The following EPRS1 variants were observed in gnomAD, a reference collection of about 807,000 sequenced individuals.
The protein encoded by EPRS1 is bifunctional glutamate/proline--tRNA ligase.
Under a neutral mutation model 188.3 loss-of-function variants are expected in EPRS1, and 107 were observed. The ratio of observed to expected loss-of-function variants is 0.57; its 90% confidence interval spans 0.49 to 0.67. The LOEUF (loss-of-function observed/expected upper bound fraction) is 0.67. EPRS1 is among the 30% of genes least tolerant of loss of function. The pLI is 0.00. For missense variants in EPRS1, 1,577 were observed against 1,802.2 expected (o/e 0.88, Z 2.26); for synonymous variants, 596 against 593.1 (o/e 1.00, Z -0.07).
chr1:220,029,814 T>C (rs767588606), intron 6 of EPRS1, among the ~76,000 whole-genome samples: 4 of 152,194 alleles, frequency 2.6e-5, no homozygotes, highest in African/African-American at 7.2e-5. Context: ...GGGCAAGGGC[T>C]GAAGCAGCCC....
Position 219,988,586 on chromosome 1 carries a change from T to C in EPRS1, c.2775+4A>G. On this transcript the variant is annotated splice_donor_region_variant and intron_variant, in intron 19 of 31. Transcript: ENST00000366923. ...AAAGCATATAAACAAAATAACACACTAACCTTAGGGGCTTTTTCAGTTTTA... is the reference window on the plus strand; with the variant it reads ...AAAGCATATAAACAAAATAACACACCAACCTTAGGGGCTTTTTCAGTTTTA... 1.9e-6 allele frequency: 3 copies of C among 1,594,262 alleles called. No individual in the cohort carries two copies. The highest frequency in any genetic ancestry group is 2.6e-6 in the Non-Finnish European group (3 of 1,162,834).
chr1:219,988,826 A>G lies in EPRS1; in HGVS notation c.2542-3T>C, dbSNP rs747719269. ...TCTACAGCTTCATTTATTTTAGCCT[A>G]AAATAAAAGAGAGAAAGAGATATTT... On this transcript the variant is annotated splice_region_variant and splice_polypyrimidine_tract_variant and intron_variant, in intron 18 of 31. Transcript: ENST00000366923. 4 of 1,552,290 alleles carry G rather than the reference A, an allele frequency of 2.6e-6. No individual in the cohort carries two copies. In the South Asian group the frequency reaches 4.8e-5, roughly 19 times the overall value.
Position 220,020,026 on chromosome 1 carries a change from T to G in EPRS1, c.1311A>C (p.Lys437Asn). Reference sequence around the variant, plus strand: ...GTCCTTCATTGACAAACCATGTGAGTTTTCTTTTGGATAGCACTGTGTTGT... The same window carrying G: ...GTCCTTCATTGACAAACCATGTGAGGTTTCTTTTGGATAGCACTGTGTTGT... Reference protein sequence around the residue: ...NLNNTVLSKRKLTWFVNEGLV... With the variant: ...NLNNTVLSKRNLTWFVNEGLV... Residue 437 changes from lysine to asparagine, a missense_variant, in exon 10 of 32, where the codon AAA becomes AAC. By Grantham distance (94) the Lys-to-Asn change is moderately conservative (BLOSUM62 0). Coordinates refer to ENST00000366923, the MANE Select transcript of EPRS1 (RefSeq NM_004446.3). The G allele has an allele frequency of 1.9e-6, 3 of 1,613,858 alleles. No individual in the cohort carries two copies. Among genetic ancestry groups the G allele is most frequent in the Non-Finnish European group, 1.7e-6 (2 of 1,179,834 alleles).
rs1347114684 is a variant in EPRS1, at chr1:220,032,513, C to A, written c.402G>T (p.Trp134Cys). 17 of 1,612,506 alleles carry A rather than the reference C, an allele frequency of 1.1e-5. No individual in the cohort carries two copies. The African/African-American group carries it at 1.5e-4, about 14-fold the overall frequency. Residue 134 changes from tryptophan to cysteine, a missense_variant, in exon 5 of 32, where the codon TGG (tryptophan) becomes TGT (cysteine). By Grantham distance (215) the Trp-to-Cys change is radical. This residue lies in a region of EPRS1 where 1,278 missense variants were observed against 1,457.4 expected (regional missense o/e 0.88). Coordinates refer to ENST00000366923, the MANE Select transcript of EPRS1 (RefSeq NM_004446.3). Reference sequence around the variant, plus strand: ...CTTTCTTCTGTTTCAACTGTTCTTGCCAGGCAGCATTTCCTATGAGCAAAG... The same window carrying A: ...CTTTCTTCTGTTTCAACTGTTCTTGACAGGCAGCATTTCCTATGAGCAAAG... ...VWATLKGNAA[W>C]QEQLKQKKAP...
At chr1:220,028,222 G>A (rs2102594071) in intron 6 of EPRS1, among the ~76,000 whole-genome samples, 1 of 152,230 alleles carries the variant, frequency 6.6e-6, no homozygotes, top group African/African-American at 2.4e-5. Flanking sequence ...TATAACCATT[G>A]TCAAGAAAAG....
At position 219,974,226 on chromosome 1, in the gene EPRS1, G is replaced by A. The variant is rs538630955; in HGVS notation, c.4084-828C>T. 8.3e-4 allele frequency among the ~76,000 whole-genome samples: 126 copies of A among 152,268 alleles called. 1 individual carries two copies. Among genetic ancestry groups the A allele is most frequent in the African/African-American group, 2.8e-3 (117 of 41,528 alleles). On this transcript the variant is annotated intron_variant, in intron 28 of 31. Transcript: ENST00000366923. ...CTCAAATTGCTGGGATTATAGACGT[G>A]AGCCACCGTACTTGGCCAAGAGTTT...
chr1:220,042,304 G>A (rs1024054999), intron 1 of EPRS1, among the ~76,000 whole-genome samples: 2 of 150,652 alleles, frequency 1.3e-5, no homozygotes, highest in Non-Finnish European at 3.0e-5. Context: ...ACAACATGGT[G>A]AAACCCCATC....
intron 2 of EPRS1, among the ~76,000 whole-genome samples, chr1:220,037,282 A>G (rs1345923518): frequency 6.6e-6 from 1 of 152,150 alleles, no homozygotes; most frequent in Non-Finnish European, 1.5e-5. Flanking sequence ...AGGTGGGCGG[A>G]TCACCTGAGG....
chr1:219,993,961 C>T (rs1304679865), intron 18 of EPRS1, among the ~76,000 whole-genome samples: 1 of 152,160 alleles, frequency 6.6e-6, no homozygotes, highest in African/African-American at 2.4e-5. Context: ...CAGATGCAGG[C>T]TAAATGCGTT....
chr1:219,978,477 A>C (rs1660820963), intron 28 of EPRS1, 69 bp downstream of exon 28: 1 of 1,258,770 alleles, frequency 7.9e-7, no homozygotes. Flanking sequence ...GTTTTATAAA[A>C]ACATGCAGAG....
intron 29 of EPRS1, among the ~76,000 whole-genome samples, chr1:219,972,939 A>G (rs1254747298): frequency 1.3e-5 from 2 of 152,174 alleles, no homozygotes; most frequent in Admixed American, 6.5e-5. Context: ...CCAGCAGATG[A>G]CAGTCAATGC....
At chr1:219,975,569 T>C (rs540703319) in intron 28 of EPRS1, among the ~76,000 whole-genome samples, 1 of 152,244 alleles carries the variant, frequency 6.6e-6, no homozygotes, top group Admixed American at 6.5e-5. Context: ...CCTGAGTAGC[T>C]GGGACTACAG....
rs36122746 is a variant in EPRS1 at position 219,988,662 on chromosome 1, C to A, written c.2703G>T (p.Ala901=). Residue 901 remains alanine (A), a synonymous_variant, in exon 19 of 32, where the codon GCG becomes GCT. Coordinates refer to ENST00000366923, the MANE Select transcript of EPRS1 (RefSeq NM_004446.3). ...AAGCTACTTTGTCAAAAAGTACTTT[C>A]GCTTCTGGTGTTTCTAAACCAGCAG... ...SEPAGLETPE[A]KVLFDKVASQ... is the part of the protein sequence containing the mutation. The A allele has an allele frequency of 3.7e-6, 6 of 1,613,832 alleles. No individual in the cohort carries two copies. In the African/African-American group the frequency reaches 6.7e-5, roughly 18 times the overall value.
In EPRS1 at chr1:219,983,352, C is replaced by T. The variant is rs1660936247; in HGVS notation, c.3137G>A (p.Cys1046Tyr). The T allele has an allele frequency of 6.2e-7, 1 of 1,613,858 alleles. No homozygotes were observed. Among genetic ancestry groups the T allele is most frequent in the Non-Finnish European group, 8.5e-7 (1 of 1,179,878 alleles). The change falls in exon 22 of 32, where the codon TGT becomes TAT. Residue 1046 changes from cysteine to tyrosine, a missense_variant. By Grantham distance (194) the Cys-to-Tyr change is radical. Coordinates refer to ENST00000366923, the MANE Select transcript of EPRS1 (RefSeq NM_004446.3). ...EMIEYHDISG[C>Y]YILRPWAYAI... ...ATAGGCCCAGGGACGAAGAATATAA[C>T]AGCCACTTATGTCATGGTATTCAAT...
At chr1:220,035,070 T>G in intron 2 of EPRS1, 57 bp from the exon 3 acceptor site, 1 of 805,354 alleles carries the variant, frequency 1.2e-6, no homozygotes, top group African/African-American at 1.8e-5. Flanking sequence ...CAGTAAGTCA[T>G]GAGACTTATG....
intron 13 of EPRS1, 47 bp from the exon 14 acceptor site, chr1:220,007,385 T>A: frequency 6.3e-7 from 1 of 1,576,314 alleles, no homozygotes; most frequent in Non-Finnish European, 8.6e-7. Flanking sequence ...AACAACTTAT[T>A]GAACCCAGTA....
intron 11 of EPRS1, 80 bp from the exon 12 acceptor site, chr1:220,018,588 T>TATA: frequency 4.5e-5 from 26 of 575,450 alleles, no homozygotes; most frequent in Non-Finnish European, 5.9e-5. Flanking sequence ...TAAGCATGTT[T>TATA]AGAAAAAAAA....
chr1:220,027,495 G>A (rs918042323), intron 6 of EPRS1, among the ~76,000 whole-genome samples: 2 of 150,252 alleles, frequency 1.3e-5, no homozygotes, highest in African/African-American at 4.9e-5. Context: ...GGGAGGATGA[G>A]GCAGGAGAAT....
chr1:220,001,293 AC>A (rs1558051167), intron 16 of EPRS1, 38 bp from the exon 17 acceptor site: 1 of 1,218,330 alleles, frequency 8.2e-7, no homozygotes, highest in Non-Finnish European at 1.2e-6. Context: ...GTTTATTTGA[AC>A]AAAATTATCT....
Sources: gnomAD v4.1 joint callset for allele counts (sites outside exome capture counted in the v4.1 genomes callset) on GRCh38, gnomAD v4.1.1 for gene constraint, gnomAD v4.1.1 regional missense constraint, MANE v1.5 for transcripts, NCBI Gene and HGNC (gene_info 2026-07-23, HGNC 2026-07-21) for gene names.